Variants in TJP1 observed in about 807,000 individuals in gnomAD.
TJP1 encodes the protein tight junction protein ZO-1.
A neutral mutation model predicts 194.2 loss-of-function variants in TJP1; 43 were observed. The observed-to-expected ratio is 0.22, with a 90% confidence interval of 0.17 to 0.29. TJP1 has a LOEUF of 0.29. Ranked by LOEUF, TJP1 falls within the 10% of genes least tolerant of loss-of-function variation. TJP1 has a pLI of 1.00. For missense variants in TJP1, 1,971 were observed against 2,185.7 expected (o/e 0.90, Z 1.96); for synonymous variants, 801 against 779.0 (o/e 1.03, Z -0.47).
intron 2 of TJP1, among the ~76,000 whole-genome samples, chr15:29,929,289 T>C (rs938563131): frequency 7.9e-5 from 12 of 152,102 alleles, no homozygotes; most frequent in Non-Finnish European, 1.8e-4. Context: ...TTAATGACAA[T>C]GAAAGCACTA....
intron 2 of TJP1, among the ~76,000 whole-genome samples, chr15:29,949,819 T>C (rs1343899371): frequency 1.4e-3 from 9 of 6,454 alleles, no homozygotes; most frequent in Non-Finnish European, 1.6e-3. Context: ...TCACCACTGC[T>C]ACCTCCACCA....
At chr15:29,819,093 C>T (rs1003892864) in intron 1 of TJP1, among the ~76,000 whole-genome samples, 1 of 152,156 alleles carries the variant, frequency 6.6e-6, no homozygotes, top group African/African-American at 2.4e-5. Context: ...GTATCATGCA[C>T]GGAGGATTCT....
intron 25 of TJP1, among the ~76,000 whole-genome samples, chr15:29,707,088 G>A (rs963006424): frequency 3.3e-5 from 5 of 152,104 alleles, no homozygotes; most frequent in African/African-American, 9.7e-5. Context: ...AGGACCAAGC[G>A]CCCGCTCTGG....
At chr15:29,961,071 C>T (rs4313759) in intron 1 of TJP1, among the ~76,000 whole-genome samples, 64,687 of 151,876 alleles carry the variant, frequency 0.43, 14,355 homozygotes, top group African/African-American at 0.54. Flanking sequence ...AACACAGCTG[C>T]GTACCTGTAA....
intron 2 of TJP1, among the ~76,000 whole-genome samples, chr15:29,941,484 C>T (rs2055075008): frequency 6.6e-6 from 1 of 152,176 alleles, no homozygotes; most frequent in Non-Finnish European, 1.5e-5. Flanking sequence ...CTTGAGGCCA[C>T]CCTCATGGGG....
chr15:29,950,543 G>A (rs984194401), intron 2 of TJP1, among the ~76,000 whole-genome samples: 1 of 152,150 alleles, frequency 6.6e-6, no homozygotes, highest in East Asian at 1.9e-4. Context: ...GCCCAGAGCA[G>A]AGGAGCCCAC....
intron 24 of TJP1, among the ~76,000 whole-genome samples, chr15:29,710,152 GAAA>G (rs141147225): frequency 1.4e-5 from 2 of 139,186 alleles, no homozygotes; most frequent in African/African-American, 2.6e-5. Flanking sequence ...TCAAAAAGAG[GAAA>G]AAAAAAAAGA....
intron 15 of TJP1, chr15:29,731,049 A>G (rs974087850): frequency 2.2e-6 from 2 of 897,942 alleles, no homozygotes; most frequent in Admixed American, 1.9e-5. Context: ...ACTTTTATCA[A>G]GTTTTATAAA....
chr15:29,819,519 G>T (rs1239550819), intron 1 of TJP1, among the ~76,000 whole-genome samples: 1 of 152,166 alleles, frequency 6.6e-6, no homozygotes, highest in Non-Finnish European at 1.5e-5. Context: ...ATGCACAGAT[G>T]TTTCTGGACC....
intron 19 of TJP1, 160 bp downstream of exon 19, chr15:29,720,198 C>G (rs1465795815): frequency 1.5e-5 from 17 of 1,121,152 alleles, no homozygotes; most frequent in Non-Finnish European, 2.1e-5. Context: ...AAGACAAACA[C>G]ACAAAATTTA....
At chr15:29,871,505 C>T (rs562708998) in intron 2 of TJP1, among the ~76,000 whole-genome samples, 2 of 152,362 alleles carry the variant, frequency 1.3e-5, no homozygotes, top group African/African-American at 2.4e-5. Context: ...TCATCAGAAG[C>T]CTTGCTGCTG....
chr15:29,747,637 G>C (rs1198538051), intron 8 of TJP1, among the ~76,000 whole-genome samples: 1 of 152,138 alleles, frequency 6.6e-6, no homozygotes, highest in Non-Finnish European at 1.5e-5. Flanking sequence ...TTTAGAAAAG[G>C]TAAGAATTCC....
upstream of TJP1, chr15:29,822,511 G>GGGGGCGGGGCTGGACGAGGCGAGGC: frequency 2.0e-6 from 2 of 984,698 alleles, no homozygotes; most frequent in Non-Finnish European, 2.4e-6. Flanking sequence ...CCGGCCCGGC[G>GGGGGCGGGGCTGGACGAGGCGAGGC]GGGGCGGGGC....
At chr15:29,812,645 G>C (rs1460569444) in intron 1 of TJP1, among the ~76,000 whole-genome samples, 2 of 152,156 alleles carry the variant, frequency 1.3e-5, no homozygotes, top group Admixed American at 6.5e-5. Context: ...AAAAGGATGT[G>C]AATGTATGAC....
rs1457050722 is a variant in TJP1, at chr15:29,741,384, G to A, written c.1203C>T (p.Val401=). Residue 401 remains valine, a synonymous_variant, in exon 10 of 28, where the codon GTC becomes GTT. Coordinates refer to ENST00000614355, the MANE Select transcript of TJP1 (RefSeq NM_001330239.4). ...TAGGTAGGACACCATCAGATGGACT[G>A]ACAGGTAAATCCACATCTGGTTGCC... ...QVGQPDVDLP[V]SPSDGVLPNS... The A allele has an allele frequency of 2.5e-6, 4 of 1,600,720 alleles. No individual in the cohort carries two copies. The highest frequency in any genetic ancestry group is 1.1e-5 in the South Asian group (1 of 87,752).
intron 2 of TJP1, among the ~76,000 whole-genome samples, chr15:29,892,031 A>C (rs1005431151): frequency 1.3e-5 from 2 of 152,264 alleles, no homozygotes; most frequent in Non-Finnish European, 2.9e-5. Flanking sequence ...ATCTTATGCC[A>C]AACAGTTAAG....
chr15:29,960,139 A>G (rs2152318816), intron 1 of TJP1, among the ~76,000 whole-genome samples: 1 of 152,332 alleles, frequency 6.6e-6, no homozygotes, highest in South Asian at 2.1e-4. Flanking sequence ...CATCTGACTT[A>G]GAAAGGCATC....
chr15:29,968,563 C>T lies in TJP1; in HGVS notation c.173+104G>A, dbSNP rs1019248483. 4.9e-6 allele frequency: 4 copies of T among 823,544 alleles called. No homozygotes were observed. The African/African-American group carries it at 7.4e-5, about 15-fold the overall frequency. The allele number at this position is 823,544 out of a possible 1,614,324, so 51.0% of individuals were successfully genotyped here. A position where few individuals can be genotyped will look rare whatever the true frequency, so the allele number is the denominator to read the frequency against. ...GTCGGGCCCGACAGTCGCGGCCTCG[C>T]CCCCCGCCCGACCGCCCCGGCCGCC... On this transcript the variant is annotated intron_variant, in intron 1 of 28. Transcript: ENST00000356107.
rs1300656067 is a variant in TJP1, at chr15:29,701,367, C to T, written c.*228G>A. 4 of 414,556 alleles carry T rather than the reference C, an allele frequency of 9.6e-6. No homozygotes were observed. Among genetic ancestry groups the T allele is most frequent in the Non-Finnish European group, 1.7e-5 (4 of 232,224 alleles). The allele number at this position is 414,556 out of a possible 1,614,324, so 25.7% of individuals were successfully genotyped here. On this transcript the variant is annotated 3_prime_UTR_variant, in exon 28 of 28. Transcript: ENST00000614355. Reference sequence around the variant, plus strand: ...AATCACAAAGCAAAATATCTTTGAACCTCTAGCCAATACCAACAGTCCCGT... The same window carrying T: ...AATCACAAAGCAAAATATCTTTGAATCTCTAGCCAATACCAACAGTCCCGT...
Sources: gnomAD v4.1 joint callset for allele counts (sites outside exome capture counted in the v4.1 genomes callset) on GRCh38, gnomAD v4.1.1 for gene constraint, MANE v1.5 for transcripts, NCBI Gene and HGNC (gene_info 2026-07-23, HGNC 2026-07-21) for gene names.